The following PSD variants were observed in gnomAD, a reference collection of about 807,000 sequenced individuals.
The protein encoded by PSD is pleckstrin and Sec7 domain containing.
In PSD, 32 loss-of-function variants were observed where a neutral mutation model predicts 91.6. The observed-to-expected ratio is 0.35, with a 90% CI of 0.26 to 0.47. The LOEUF is 0.47. Among genes scored for constraint, PSD ranks in the 20% least tolerant of loss-of-function variants. The pLI is 1.00. For missense variants in PSD, 1,099 were observed against 1,373.9 expected (o/e 0.80, Z 3.16); for synonymous variants, 532 against 569.3 (o/e 0.93, Z 0.93).
rs181605851 is a variant in PSD, at chr10:102,408,390, G to A, written c.2092-1124C>T. 2.7e-3 allele frequency among the ~76,000 whole-genome samples: 407 copies of A among 152,244 alleles called. 2 individuals carry two copies. The highest frequency in any genetic ancestry group is 9.5e-3 in the African/African-American group (393 of 41,532). ...CACTGTTCACACCCTATCTGGGGAT[G>A]GGTGTACCCCACAGCCTCCAACCCC... On this transcript the variant is annotated intron_variant, in intron 10 of 16. Coordinates refer to ENST00000020673, the MANE Select transcript of PSD (RefSeq NM_002779.5).
chr10:102,413,233 C>G (rs901612887), intron 5 of PSD, among the ~76,000 whole-genome samples: 2 of 152,150 alleles, frequency 1.3e-5, no homozygotes, highest in African/African-American at 4.8e-5. Context: ...ACCCGGTCTC[C>G]CTGGCCACCC....
chr10:102,414,096 A>T lies in PSD; in HGVS notation c.1226T>A (p.Ile409Asn), dbSNP rs1291939826. 1 of 1,614,082 alleles carries T rather than the reference A, an allele frequency of 6.2e-7. No homozygotes were observed. The highest frequency in any genetic ancestry group is 2.2e-5 in the East Asian group (1 of 44,878). ...GCCTTTGGCCCGGTGTGACTCCAGGATGGCTTCGAACACACAACTGAAAGA... is the reference window on the plus strand; with the variant it reads ...GCCTTTGGCCCGGTGTGACTCCAGGTTGGCTTCGAACACACAACTGAAAGA... ...PDSFSCVFEAILESHRAKGTS... is the reference protein window; with the variant it reads ...PDSFSCVFEANLESHRAKGTS... Residue 409 changes from isoleucine to asparagine, a missense_variant, in exon 5 of 17, where the codon ATC (isoleucine) becomes AAC (asparagine). Physicochemically the swap from Ile to Asn is moderately radical, Grantham distance 149 (BLOSUM62 -3). Transcript: ENST00000020673. This position sits in a 1 kb window ranked among gnomAD's most constrained non-coding sequence, Gnocchi z 5.6.
At position 102,403,979 on chromosome 10, in the gene PSD, G is replaced by C; in HGVS notation, c.2707C>G (p.Gln903Glu). The change falls in exon 16 of 17, where the codon CAG becomes GAG. Residue 903 changes from glutamine (Q) to glutamate (E), a missense_variant. Physicochemically the swap from Gln to Glu is conservative, Grantham distance 29. Transcript: ENST00000020673. This position sits in a 1 kb window ranked among gnomAD's most constrained non-coding sequence, Gnocchi z 6.7. ...AGCTTGGCCTCGTGGGTCCGCACCT[G>C]CTCCTCCTAGCGGCCAGGGGGAGGC... is the stretch of plus-strand genomic sequence containing the variant. ...SAATRLSQEE[Q>E]VRTHEAKLKA... 1.3e-6 allele frequency: 2 copies of C among 1,553,828 alleles called. No individual in the cohort carries two copies. The highest frequency in any genetic ancestry group is 1.7e-6 in the Non-Finnish European group (2 of 1,151,382).
intron 6 of PSD, 39 bp downstream of exon 6, chr10:102,412,342 C>T (rs1400829096): frequency 6.2e-7 from 1 of 1,611,296 alleles, no homozygotes; most frequent in East Asian, 2.2e-5. Flanking sequence ...GGATGCATTC[C>T]CTCTGCCCCC....
In PSD at chr10:102,404,516, G is replaced by A; in HGVS notation, c.2700+67C>T. 1 of 1,542,284 alleles carries A rather than the reference G, an allele frequency of 6.5e-7. No individual in the cohort carries two copies. The highest frequency in any genetic ancestry group is 8.8e-7 in the Non-Finnish European group (1 of 1,138,992). ...CTCCACGATCACACGCAGCAGCCTT[G>A]AGTGCAGTGGGCCTGAGCCTAACAC... is the stretch of plus-strand genomic sequence containing the variant. On this transcript the variant is annotated intron_variant, in intron 15 of 16. Transcript: ENST00000020673. The surrounding 1 kb of genome is among the most constrained non-coding windows in gnomAD (Gnocchi z 5.7).
chr10:102,415,994 C>A, intron 3 of PSD, 23 bp downstream of exon 3: 1 of 1,591,158 alleles, frequency 6.3e-7, no homozygotes, highest in Non-Finnish European at 8.6e-7. Context: ...CCCTGTTCTC[C>A]CTGCCTCAGT....
At chr10:102,407,487 G>A (rs2061375910) in intron 10 of PSD, among the ~76,000 whole-genome samples, 1 of 152,198 alleles carries the variant, frequency 6.6e-6, no homozygotes, top group Admixed American at 6.5e-5. Flanking sequence ...AACAAACGTA[G>A]TAACATGTGG....
rs1473720113 is a variant in PSD at position 102,412,246 on chromosome 10, G to A, written c.1749-19C>T. ...GTCATTGCTGTGGGCAGGGCAGAGAGACAGGTAGGGTCTCAAGGGGAAGTG... is the reference window on the plus strand; with the variant it reads ...GTCATTGCTGTGGGCAGGGCAGAGAAACAGGTAGGGTCTCAAGGGGAAGTG... On this transcript the variant is annotated intron_variant, in intron 6 of 16. Transcript: ENST00000020673. The A allele has an allele frequency of 1.9e-6, 3 of 1,613,872 alleles. No homozygotes were observed. In the South Asian group the frequency reaches 3.3e-5, roughly 18 times the overall value.
chr10:102,410,945 G>A lies in PSD; in HGVS notation c.2004C>T (p.Asn668=). 6.2e-7 allele frequency: 1 copy of A among 1,613,470 alleles called. No homozygotes were observed. Among genetic ancestry groups the A allele is most frequent in the Non-Finnish European group, 8.5e-7 (1 of 1,179,394 alleles). The change falls in exon 10 of 17, where the codon AAC becomes AAT. Residue 668 remains asparagine (N), a splice_region_variant and synonymous_variant. Transcript: ENST00000020673. The surrounding 1 kb of genome is among the most constrained non-coding windows in gnomAD (Gnocchi z 6.0). ...MLLNTDLHGH[N]IGKRMTCGDF... ...CCCCGCAGGTCATGCGCTTCCCGAT[G>A]TTCTAAGGAAGGGAACGGAGGCCTG... is the stretch of plus-strand genomic sequence containing the variant.
rs920288142 is a variant in PSD, at chr10:102,410,391, C to T, written c.2091+467G>A. The stretch of plus-strand genomic sequence containing the variant: ...TGCCAGACCTTGGAAAAGCTTAGTC[C>T]CTCTCAGGCCCCTCTCCCTCCGGGT... On this transcript the variant is annotated intron_variant, in intron 10 of 16. Coordinates refer to ENST00000020673, the MANE Select transcript of PSD (RefSeq NM_002779.5). The surrounding 1 kb of genome is among the most constrained non-coding windows in gnomAD (Gnocchi z 6.0). Among the ~76,000 whole-genome samples, 2 of 152,258 alleles carry T rather than the reference C, an allele frequency of 1.3e-5. No individual in the cohort carries two copies. The highest frequency in any genetic ancestry group is 3.2e-3 in the Middle Eastern group (1 of 316).
In PSD at chr10:102,415,138, G is replaced by A. The variant is rs2282295; in HGVS notation, c.849C>T (p.Tyr283=). 0.11 allele frequency: 178,380 copies of A among 1,613,600 alleles called. 12,353 individuals are homozygous for A. The highest frequency in any genetic ancestry group is 0.37 in the East Asian group (16,656 of 44,860). Residue 283 remains tyrosine, a synonymous_variant, in exon 4 of 17, where the codon TAC becomes TAT. Coordinates refer to ENST00000020673, the MANE Select transcript of PSD (RefSeq NM_002779.5). ...GCACCGTGTCCAGGTCTGTCTCGGA[G>A]TACTTGGCTGCTCGCCCCACAGCCA... The part of the protein sequence containing the change: ...SGVAVGRAAK[Y]SETDLDTVPL...
chr10:102,416,898 T>A lies in PSD; in HGVS notation c.141A>T (p.Leu47=), dbSNP rs1314994130. Reference sequence around the variant, plus strand: ...GAGGACCTGGACCTGCCACTCGCCGTAGCAAGGAGCCTGTGCTGCCATACA... The same window carrying A: ...GAGGACCTGGACCTGCCACTCGCCGAAGCAAGGAGCCTGTGCTGCCATACA... The part of the protein sequence containing the change: ...ASMYGSTGSL[L]RRVAGPGPRG... The change falls in exon 2 of 17, where the codon CTA becomes CTT. Residue 47 remains leucine, a synonymous_variant. Coordinates refer to ENST00000020673, the MANE Select transcript of PSD (RefSeq NM_002779.5). This position sits in a 1 kb window ranked among gnomAD's most constrained non-coding sequence, Gnocchi z 6.0. 1 of 1,608,066 alleles carries A rather than the reference T, an allele frequency of 6.2e-7. No homozygotes were observed. The highest frequency in any genetic ancestry group is 2.2e-5 in the East Asian group (1 of 44,864).
At position 102,412,364 on chromosome 10, in the gene PSD, C is replaced by T; in HGVS notation, c.1748+17G>A. On this transcript the variant is annotated intron_variant, in intron 6 of 16. Coordinates refer to ENST00000020673, the MANE Select transcript of PSD (RefSeq NM_002779.5). Reference sequence around the variant, plus strand: ...TTCCCTCTGCCCCCATCCTCAGTCCCAGCCTAGTGGCTTTACTTCTTGCCC... The same window carrying T: ...TTCCCTCTGCCCCCATCCTCAGTCCTAGCCTAGTGGCTTTACTTCTTGCCC... 6.2e-7 allele frequency: 1 copy of T among 1,612,840 alleles called. No individual in the cohort carries two copies. The highest frequency in any genetic ancestry group is 8.5e-7 in the Non-Finnish European group (1 of 1,178,936).
intron 8 of PSD, 111 bp downstream of exon 8, chr10:102,411,596 A>G: frequency 2.5e-6 from 2 of 801,412 alleles, no homozygotes; most frequent in Non-Finnish European, 4.3e-6. Flanking sequence ...ACACGCATGT[A>G]CATCCATTCC....
rs1452477771 is a variant in PSD, at chr10:102,409,297, AG to A, written c.2091+1560del. On this transcript the variant is annotated intron_variant, in intron 10 of 16. Coordinates refer to ENST00000020673, the MANE Select transcript of PSD (RefSeq NM_002779.5). The surrounding 1 kb of genome is among the most constrained non-coding windows in gnomAD (Gnocchi z 5.7). The stretch of plus-strand genomic sequence containing the variant: ...TGCTCTGCGGCTTGGCTAGAGCGGG[AG>A]GGGGGCGCCGACGGGAAAGGGAGGG... 1.0e-6 allele frequency: 1 copy of A among 984,336 alleles called. No individual in the cohort carries two copies. Among genetic ancestry groups the A allele is most frequent in the African/African-American group, 1.8e-5 (1 of 57,016 alleles). The allele number at this position is 984,336 out of a possible 1,614,324, so 61.0% of individuals were successfully genotyped here. A position where few individuals can be genotyped will look rare whatever the true frequency, so the allele number is the denominator to read the frequency against.
rs1056321830 is a variant in PSD, at chr10:102,404,087, G to A, written c.2701-102C>T. ...CTTCCAGCCGGGCGCGGTGGCTCAC[G>A]CCTGTAATCCCAGCACTTTGGGAGG... On this transcript the variant is annotated intron_variant, in intron 15 of 16. Transcript: ENST00000020673. This position sits in a 1 kb window ranked among gnomAD's most constrained non-coding sequence, Gnocchi z 5.7. 4.5e-6 allele frequency: 6 copies of A among 1,324,400 alleles called. No individual in the cohort carries two copies. The East Asian group carries it at 1.0e-4, about 23-fold the overall frequency. The allele number at this position is 1,324,400 out of a possible 1,614,324, so 82.0% of individuals were successfully genotyped here.
At position 102,416,759 on chromosome 10, in the gene PSD, G is replaced by A. The variant is rs2135461645; in HGVS notation, c.280C>T (p.Pro94Ser). ...APSSPTGQPP[P>S]GAQSSVVIFR... is the part of the protein sequence containing the mutation. ...ATGACCACAGAGCTCTGGGCCCCGG[G>A]TGGGGGCTGCCCAGTGGGTGAAGAG... is the stretch of plus-strand genomic sequence containing the variant. The change falls in exon 2 of 17, where the codon CCC becomes TCC. Residue 94 changes from proline to serine, a missense_variant. Transcript: ENST00000020673. This position sits in a 1 kb window ranked among gnomAD's most constrained non-coding sequence, Gnocchi z 6.0. 6.3e-7 allele frequency: 1 copy of A among 1,591,310 alleles called. No homozygotes were observed. Among genetic ancestry groups the A allele is most frequent in the East Asian group, 2.2e-5 (1 of 44,716 alleles).
At chr10:102,408,168 C>A (rs1049942373) in intron 10 of PSD, among the ~76,000 whole-genome samples, 1 of 152,218 alleles carries the variant, frequency 6.6e-6, no homozygotes, top group Non-Finnish European at 1.5e-5. Context: ...GTGTCCCCAG[C>A]ATGTGCATGT....
Position 102,416,665 on chromosome 10 carries a change from C to T in PSD, c.374G>A (p.Arg125Gln), listed in dbSNP as rs141592312. The T allele has an allele frequency of 1.1e-5, 17 of 1,610,036 alleles. No individual in the cohort carries two copies. Among genetic ancestry groups the T allele is most frequent in the Middle Eastern group, 1.7e-4 (1 of 6,042 alleles). ...AGAAACCCCACCCAGATCCCAGCTC[C>T]GACTCAAGCCCCCTGGAGCAGGTAG... ...NGLPAPGGLS[R>Q]SWDLGGVSPP... The change falls in exon 2 of 17, where the codon CGG (arginine) becomes CAG (glutamine). Residue 125 changes from arginine (R) to glutamine (Q), a missense_variant. Arg to Gln is a conservative substitution (Grantham distance 43). Transcript: ENST00000020673. The surrounding 1 kb of genome is among the most constrained non-coding windows in gnomAD (Gnocchi z 6.0).
Sources: gnomAD v4.1 joint callset for allele counts (sites outside exome capture counted in the v4.1 genomes callset) on GRCh38, gnomAD v4.1.1 for gene constraint, Gnocchi (gnomAD v3.1) non-coding constraint, MANE v1.5 for transcripts, NCBI Gene and HGNC (gene_info 2026-07-23, HGNC 2026-07-21) for gene names.